The following BCAS1 variants were observed in gnomAD, a reference collection of about 807,000 sequenced individuals.
BCAS1 encodes the protein breast carcinoma-amplified sequence 1.
A neutral mutation model predicts 65.4 loss-of-function variants in BCAS1; 46 were observed. The ratio of observed to expected loss-of-function variants is 0.70; its 90% CI spans 0.55 to 0.90. The LOEUF (loss-of-function observed/expected upper bound fraction) is 0.90, where lower values mean the gene tolerates loss of function less well. Among genes scored for constraint, BCAS1 ranks in the 40% least tolerant of loss-of-function variants. The pLI is 0.00. For missense variants in BCAS1, 793 were observed against 771.2 expected, an observed-to-expected ratio of 1.03 and a Z score of -0.33; for synonymous variants, 298 against 293.5, an observed-to-expected ratio of 1.02 and a Z score of -0.16.
chr20:54,066,315 G>A (rs1037212987), intron 1 of BCAS1, among the ~76,000 whole-genome samples: 30 of 151,680 alleles, frequency 2.0e-4, no homozygotes, highest in Admixed American at 1.2e-3. Context: ...CTCGTGATCC[G>A]CCCGCCTTGG....
chr20:54,015,152 C>T (rs1030414075), intron 4 of BCAS1, among the ~76,000 whole-genome samples: 9 of 151,908 alleles, frequency 5.9e-5, no homozygotes, highest in Non-Finnish European at 1.3e-4. Context: ...CCTGCCTCAG[C>T]CTCCGAGTAA....
intron 7 of BCAS1, among the ~76,000 whole-genome samples, chr20:53,988,162 G>A (rs1008616635): frequency 3.3e-5 from 5 of 152,234 alleles, no homozygotes; most frequent in African/African-American, 1.2e-4. Flanking sequence ...TTTTCTAAAT[G>A]CTGTGTTATT....
intron 10 of BCAS1, among the ~76,000 whole-genome samples, chr20:53,959,718 G>T (rs2089816815): frequency 6.6e-6 from 1 of 152,150 alleles, no homozygotes; most frequent in South Asian, 2.1e-4. Context: ...TGTGAAAGAG[G>T]TGGTGTCTGG....
rs891421881 is a variant in BCAS1 at position 53,944,721 on chromosome 20, A to G, written c.*201T>C. Reference sequence around the variant, plus strand: ...CTAGGTGACCTGCTAAACCATCTTTACTGTTATTTGCCAGAAAAGACTGGA... The same window carrying G: ...CTAGGTGACCTGCTAAACCATCTTTGCTGTTATTTGCCAGAAAAGACTGGA... On this transcript the variant is annotated 3_prime_UTR_variant, in exon 13 of 13. Transcript: ENST00000688948. The G allele has an allele frequency of 2.7e-5, 16 of 593,296 alleles. No homozygotes were observed. In the East Asian group the frequency reaches 3.7e-4, roughly 14 times the overall value. The allele number at this position is 593,296 out of a possible 1,614,324, so 36.8% of individuals were successfully genotyped here.
At chr20:54,003,685 C>G (rs1054198173) in intron 4 of BCAS1, among the ~76,000 whole-genome samples, 3 of 152,166 alleles carry the variant, frequency 2.0e-5, no homozygotes, top group African/African-American at 7.2e-5. Context: ...TCAATCAGCC[C>G]CAGGACTCTT....
At chr20:54,018,418 TC>T (rs2091485977) in intron 4 of BCAS1, among the ~76,000 whole-genome samples, 1 of 150,976 alleles carries the variant, frequency 6.6e-6, no homozygotes, top group Non-Finnish European at 1.5e-5. Flanking sequence ...TTTTTTTTTT[TC>T]GAGACAGAGT....
chr20:53,951,803 A>C (rs2089534816), intron 12 of BCAS1, among the ~76,000 whole-genome samples: 1 of 152,236 alleles, frequency 6.6e-6, no homozygotes, highest in South Asian at 2.1e-4. Flanking sequence ...TCCTCACATC[A>C]ATGAAACCAC....
chr20:53,987,640 C>T (rs986986915), intron 7 of BCAS1, among the ~76,000 whole-genome samples: 2 of 152,112 alleles, frequency 1.3e-5, no homozygotes, highest in African/African-American at 4.8e-5. Flanking sequence ...GAGAGGATGA[C>T]AGTAAATAAT....
intron 4 of BCAS1, among the ~76,000 whole-genome samples, chr20:54,001,106 G>A (rs534400602): frequency 6.6e-6 from 1 of 152,242 alleles, no homozygotes; most frequent in South Asian, 2.1e-4. Context: ...GTTTTTGGAG[G>A]TAGTTAAGAT....
rs2089589903 is a variant in BCAS1 at position 53,953,376 on chromosome 20, G to C, written c.1815+56C>G. 1.9e-6 allele frequency: 3 copies of C among 1,598,780 alleles called. No homozygotes were observed. In the Admixed American group the frequency reaches 5.1e-5, roughly 27 times the overall value. On this transcript the variant is annotated intron_variant, in intron 12 of 12. Transcript: ENST00000688948. ...AGAATTTGAAAAACTGACTGGGGCA[G>C]ATGGTGTTGGGGAAGGAGAGAGCCC...
chr20:53,953,251 A>G (rs2089585897), intron 12 of BCAS1, among the ~76,000 whole-genome samples, 181 bp downstream of exon 12: 1 of 152,224 alleles, frequency 6.6e-6, no homozygotes, highest in Admixed American at 6.5e-5. Flanking sequence ...TCAAGGTCTC[A>G]GCTTGTAAAA....
intron 1 of BCAS1, among the ~76,000 whole-genome samples, chr20:54,066,233 C>T (rs58634156): frequency 0.14 from 20,957 of 152,146 alleles, 1,912 homozygotes; most frequent in East Asian, 0.31. Flanking sequence ...CCACCACGCC[C>T]GGCTAATTTT....
At position 54,030,497 on chromosome 20, in the gene BCAS1, C is replaced by T. The variant is rs1411197857; in HGVS notation, c.143-1525G>A. Among the ~76,000 whole-genome samples, 3 of 152,198 alleles carry T rather than the reference C, an allele frequency of 2.0e-5. No individual in the cohort carries two copies. In the East Asian group the frequency reaches 5.8e-4, roughly 29 times the overall value. ...TTTGCTTGCTCTATCTGTAGTCAGACACTTCTTAATATCTGTTTGCAGGAA... is the reference window on the plus strand; with the variant it reads ...TTTGCTTGCTCTATCTGTAGTCAGATACTTCTTAATATCTGTTTGCAGGAA... On this transcript the variant is annotated intron_variant, in intron 3 of 12. Transcript: ENST00000688948.
At chr20:53,962,065 A>G (rs1306107151) in intron 10 of BCAS1, among the ~76,000 whole-genome samples, 1 of 152,248 alleles carries the variant, frequency 6.6e-6, no homozygotes, top group Non-Finnish European at 1.5e-5. Flanking sequence ...AGTCATTGGT[A>G]GGGACAGGAA....
At chr20:53,953,289 C>T in intron 12 of BCAS1, 143 bp downstream of exon 12, 1 of 1,045,736 alleles carries the variant, frequency 9.6e-7, no homozygotes. Context: ...TGCTGGAAGT[C>T]ACATAGCAGT....
intron 3 of BCAS1, among the ~76,000 whole-genome samples, chr20:54,042,006 A>G (rs1250217189): frequency 6.6e-6 from 1 of 151,928 alleles, no homozygotes; most frequent in Admixed American, 6.6e-5. Context: ...ATATCTATTA[A>G]TACTTAAAAT....
Position 54,005,154 on chromosome 20 carries a change from T to G in BCAS1, c.724-9104A>C, listed in dbSNP as rs1454343751. Among the ~76,000 whole-genome samples, 13 of 140,346 alleles carry G rather than the reference T, an allele frequency of 9.3e-5. No individual in the cohort carries two copies. In the Admixed American group the frequency reaches 9.3e-4, roughly 10 times the overall value. The allele number at this position is 140,346 out of a possible 152,430, so 92.1% of individuals were successfully genotyped here. A position where few individuals can be genotyped will look rare whatever the true frequency, so the allele number is the denominator to read the frequency against. ...AAGGTCAGTAGATAGGGACAAGTAC[T>G]CTGATAAAAAGACAAGTGAGGCTAA... On this transcript the variant is annotated intron_variant, in intron 4 of 12. Coordinates refer to ENST00000688948, the MANE Select transcript of BCAS1 (RefSeq NM_001366298.2).
At chr20:54,067,890 C>T (rs374985833) in intron 1 of BCAS1, among the ~76,000 whole-genome samples, 8 of 152,342 alleles carry the variant, frequency 5.3e-5, no homozygotes, top group South Asian at 2.1e-4. Flanking sequence ...CTGAGGGTGA[C>T]GCCAACATGG....
intron 9 of BCAS1, among the ~76,000 whole-genome samples, chr20:53,970,643 C>G (rs1171574485): frequency 1.3e-5 from 2 of 152,138 alleles, no homozygotes; most frequent in Non-Finnish European, 2.9e-5. Flanking sequence ...GTAGACATTG[C>G]ATGAAGATGG....
Sources: allele counts gnomAD v4.1 joint callset (sites outside exome capture counted in the v4.1 genomes callset), GRCh38; gene constraint gnomAD v4.1.1; transcripts MANE v1.5; gene names NCBI Gene and HGNC (gene_info 2026-07-23, HGNC 2026-07-21).